MICAL2: variants seen among roughly 807,000 people sequenced by gnomAD.
The protein encoded by MICAL2 is [F-actin]-monooxygenase MICAL2.
MICAL2 carries 77 observed loss-of-function variants against 127.3 expected under a neutral mutation model. The observed-to-expected ratio is 0.60, with a 90% CI of 0.50 to 0.73. MICAL2 has a LOEUF of 0.73. Ranked by LOEUF, MICAL2 falls within the 30% of genes least tolerant of loss-of-function variation. The pLI is 0.00. For synonymous variants in MICAL2, 570 were observed against 551.1 expected (o/e 1.03, Z -0.48); for missense variants, 1,351 against 1,434.4 (o/e 0.94, Z 0.94).
chr11:12,162,042 G>A (rs944660407), intron 2 of MICAL2, 37 bp from the exon 3 acceptor site: 57 of 1,469,942 alleles, frequency 3.9e-5, no homozygotes, highest in East Asian at 2.5e-4. Context: ...TAACCTCATC[G>A]TCCAAAGCTG....
Position 12,204,327 on chromosome 11 carries a change from G to T in MICAL2, c.342G>T (p.Val114=). ...CCTACCTGGGAGCCAAAGTGGTCGT[G>T]GTGGAGAAGAGGGACTCCTTCTCCC... is the stretch of plus-strand genomic sequence containing the variant. ...ELAYLGAKVV[V]VEKRDSFSRN... is the part of the protein sequence containing the mutation. The change falls in exon 4 of 28, where the codon GTG becomes GTT. Residue 114 remains valine, a synonymous_variant. Coordinates refer to ENST00000683283, the MANE Select transcript of MICAL2 (RefSeq NM_001282663.2). 6.2e-7 allele frequency: 1 copy of T among 1,614,142 alleles called. No homozygotes were observed. The highest frequency in any genetic ancestry group is 8.5e-7 in the Non-Finnish European group (1 of 1,180,004).
Position 12,216,255 on chromosome 11 carries a change from G to T in MICAL2, c.884G>T (p.Cys295Phe). The T allele has an allele frequency of 1.2e-6, 2 of 1,613,896 alleles. No homozygotes were observed. Among genetic ancestry groups the T allele is most frequent in the South Asian group, 2.2e-5 (2 of 91,080 alleles). Reference sequence around the variant, plus strand: ...GAGAACATTGTTTACTACAAGGACTGCACCCACTATTTTGTAATGACAGCC... The same window carrying T: ...GAGAACATTGTTTACTACAAGGACTTCACCCACTATTTTGTAATGACAGCC... ...DLENIVYYKD[C>F]THYFVMTAKK... The change falls in exon 8 of 28, where the codon TGC becomes TTC. Residue 295 changes from cysteine to phenylalanine, a missense_variant. Physicochemically the swap from Cys to Phe is radical, Grantham distance 205 (BLOSUM62 -2). Coordinates refer to ENST00000683283, the MANE Select transcript of MICAL2 (RefSeq NM_001282663.2).
At chr11:12,216,700 A>G (rs1380851646) in intron 8 of MICAL2, among the ~76,000 whole-genome samples, 1 of 152,144 alleles carries the variant, frequency 6.6e-6, no homozygotes, top group Admixed American at 6.5e-5. Context: ...TGTGAATTTC[A>G]TGCTGTGGAG....
intron 3 of MICAL2, among the ~76,000 whole-genome samples, chr11:12,172,980 ATAGT>A (rs1229524294): frequency 6.6e-6 from 1 of 152,212 alleles, no homozygotes; most frequent in Non-Finnish European, 1.5e-5. Flanking sequence ...TATAACATAC[ATAGT>A]TATAGAAATA....
chr11:12,290,846 G>A (rs562177494), downstream of MICAL2, among the ~76,000 whole-genome samples: 3 of 152,322 alleles, frequency 2.0e-5, no homozygotes, highest in South Asian at 4.1e-4. Flanking sequence ...ACAGAATATC[G>A]AGAACGGTGT....
chr11:12,199,075 T>C (rs1001839319), intron 3 of MICAL2, among the ~76,000 whole-genome samples: 2 of 152,218 alleles, frequency 1.3e-5, no homozygotes, highest in Admixed American at 6.5e-5. Flanking sequence ...CAATAGTACC[T>C]GGGTTAAAAT....
At chr11:12,301,465 T>G (rs983718781) in intron 29 of MICAL2, among the ~76,000 whole-genome samples, 1 of 152,246 alleles carries the variant, frequency 6.6e-6, no homozygotes, top group African/African-American at 2.4e-5. Context: ...AGCACTCTTA[T>G]ACGTACGTAT....
At chr11:12,283,839 C>T (rs1313570633) in intron 2 of MICAL2, among the ~76,000 whole-genome samples, 1 of 152,218 alleles carries the variant, frequency 6.6e-6, no homozygotes, top group African/African-American at 2.4e-5. Flanking sequence ...TGAAATACAG[C>T]TCACACCCTA....
At chr11:12,260,229 G>A (rs1862914961) in intron 26 of MICAL2, 11 of 1,447,450 alleles carry the variant, frequency 7.6e-6, no homozygotes, top group South Asian at 1.4e-5. Context: ...AGATGGCAGT[G>A]CGTTTGCAGT....
intron 29 of MICAL2, among the ~76,000 whole-genome samples, chr11:12,307,205 G>T (rs1210324253): frequency 6.6e-6 from 1 of 152,104 alleles, no homozygotes; most frequent in Non-Finnish European, 1.5e-5. Context: ...ATGATGTTGA[G>T]CTTCTTTTAA....
chr11:12,179,727 C>G (rs910791595), intron 3 of MICAL2, among the ~76,000 whole-genome samples: 5 of 151,156 alleles, frequency 3.3e-5, no homozygotes, highest in Admixed American at 2.0e-4. Context: ...GTCCTGCTCT[C>G]GAGGGCTGCC....
intron 15 of MICAL2, among the ~76,000 whole-genome samples, chr11:12,230,947 G>A (rs1157742796): frequency 6.6e-6 from 1 of 152,208 alleles, no homozygotes; most frequent in Admixed American, 6.5e-5. Flanking sequence ...AAGGCCCTTG[G>A]TCTGCTTCTG....
At chr11:12,287,014 T>C (rs1378352224) in intron 2 of MICAL2, 2 of 398,610 alleles carry the variant, frequency 5.0e-6, no homozygotes, top group Non-Finnish European at 8.9e-6. Flanking sequence ...AGGAGATAAA[T>C]TCCTACTTAC....
At chr11:12,283,289 C>T (rs982179280) in intron 2 of MICAL2, among the ~76,000 whole-genome samples, 6 of 148,114 alleles carry the variant, frequency 4.1e-5, no homozygotes, top group Non-Finnish European at 7.4e-5. Context: ...CAAGGGAATG[C>T]CAGACAAGAC....
At chr11:12,341,494 T>C (rs985088926) in intron 32 of MICAL2, among the ~76,000 whole-genome samples, 1 of 151,866 alleles carries the variant, frequency 6.6e-6, no homozygotes, top group African/African-American at 2.4e-5. Context: ...GTTTAAAGAA[T>C]AAATAGATCG....
intron 22 of MICAL2, among the ~76,000 whole-genome samples, chr11:12,252,137 T>C (rs970316290): frequency 6.6e-6 from 1 of 152,144 alleles, no homozygotes; most frequent in Non-Finnish European, 1.5e-5. Flanking sequence ...TTGTATCCTA[T>C]AGCCCCTATC....
chr11:12,142,774 GAC>G (rs1235902906), intron 2 of MICAL2, among the ~76,000 whole-genome samples: 1 of 152,244 alleles, frequency 6.6e-6, no homozygotes, highest in African/African-American at 2.4e-5. Context: ...AGAAAATTGA[GAC>G]AGTTACAGGT....
At chr11:12,273,650 G>A (rs983103731), upstream of MICAL2, among the ~76,000 whole-genome samples, 1 of 151,834 alleles carries the variant, frequency 6.6e-6, no homozygotes, top group Non-Finnish European at 1.5e-5. Flanking sequence ...AGTTTGGGAA[G>A]AGATTGTATC....
At position 12,110,942 on chromosome 11, in the gene MICAL2, A is replaced by T. The variant is rs1251411462; in HGVS notation, c.-149+216A>T. Among the ~76,000 whole-genome samples the T allele has an allele frequency of 6.6e-6, 1 of 152,140 alleles. No homozygotes were observed. The highest frequency in any genetic ancestry group is 6.5e-5 in the Admixed American group (1 of 15,282). On this transcript the variant is annotated intron_variant, in intron 1 of 27. Transcript: ENST00000683283. This position sits in a 1 kb window ranked among gnomAD's most constrained non-coding sequence, Gnocchi z 4.5. Reference sequence around the variant, plus strand: ...GCGGCCCTGGCCGGCCTCTGAACCAATTAGAACGCAATAAAAGCCTCCCAC... The same window carrying T: ...GCGGCCCTGGCCGGCCTCTGAACCATTTAGAACGCAATAAAAGCCTCCCAC...
Sources: gnomAD v4.1 joint callset for allele counts (sites outside exome capture counted in the v4.1 genomes callset) on GRCh38, gnomAD v4.1.1 for gene constraint, Gnocchi (gnomAD v3.1) non-coding constraint, MANE v1.5 for transcripts, NCBI Gene and HGNC (gene_info 2026-07-23, HGNC 2026-07-21) for gene names.